The following TMED3 variants were observed in gnomAD, a reference collection of about 807,000 sequenced individuals.
The protein encoded by TMED3 is transmembrane emp24 domain-containing protein 3.
Under a neutral mutation model 15.0 loss-of-function variants are expected in TMED3, and 9 were observed. The observed-to-expected ratio is 0.60, with a 90% CI of 0.36 to 1.04. The LOEUF is 1.04. Ranked by LOEUF, TMED3 falls within the 50% of genes least tolerant of loss-of-function variation. The pLI is 0.01. For missense variants in TMED3, 267 were observed against 278.9 expected, an observed-to-expected ratio of 0.96 and a Z score of 0.30; for synonymous variants, 117 against 121.4, an observed-to-expected ratio of 0.96 and a Z score of 0.24.
intron 2 of TMED3, among the ~76,000 whole-genome samples, chr15:79,367,557 G>T (rs1893258945): frequency 6.6e-6 from 1 of 152,172 alleles, no homozygotes; most frequent in African/African-American, 2.4e-5. Context: ...ACAGTTCCCA[G>T]AGCGTGCAAG....
chr15:79,318,271 A>C (rs1177796159), intron 2 of TMED3, among the ~76,000 whole-genome samples: 1 of 152,026 alleles, frequency 6.6e-6, no homozygotes, highest in Non-Finnish European at 1.5e-5. Context: ...ACTGCATTCT[A>C]GTTGAGTAAT....
chr15:79,384,575 A>AAATC (rs1298208062), intron 2 of TMED3: 10 of 152,224 alleles, frequency 6.6e-5, no homozygotes, highest in African/African-American at 2.4e-4. Flanking sequence ...GGACAAAGAG[A>AAATC]AATCAAACTC....
At chr15:79,349,247 T>G (rs1437075666) in intron 2 of TMED3, among the ~76,000 whole-genome samples, 1 of 152,246 alleles carries the variant, frequency 6.6e-6, no homozygotes, top group Admixed American at 6.5e-5. Flanking sequence ...GATAATACAT[T>G]TGTTAATTAG....
At chr15:79,381,902 T>C (rs78030582) in intron 2 of TMED3, among the ~76,000 whole-genome samples, 2 of 152,232 alleles carry the variant, frequency 1.3e-5, no homozygotes, top group East Asian at 3.9e-4. Context: ...AGTATCCATA[T>C]GGACTTAAAA....
chr15:79,342,980 G>T (rs747422646), intron 2 of TMED3, among the ~76,000 whole-genome samples: 2 of 152,136 alleles, frequency 1.3e-5, no homozygotes, highest in African/African-American at 2.4e-5. Context: ...CTGAGATTGG[G>T]TAGTAAGGAA....
intron 2 of TMED3, among the ~76,000 whole-genome samples, chr15:79,396,589 A>G (rs1169820922): frequency 6.6e-6 from 1 of 152,198 alleles, no homozygotes; most frequent in Non-Finnish European, 1.5e-5. Flanking sequence ...AAGTGTTCCT[A>G]ATGCAAGGTG....
chr15:79,389,854 T>G (rs1315005929), intron 2 of TMED3, among the ~76,000 whole-genome samples: 1 of 152,118 alleles, frequency 6.6e-6, no homozygotes, highest in Non-Finnish European at 1.5e-5. Flanking sequence ...GCAACTGTCA[T>G]AAAAGGGGTT....
At chr15:79,337,667 C>T (rs1282946109) in intron 2 of TMED3, among the ~76,000 whole-genome samples, 9 of 152,192 alleles carry the variant, frequency 5.9e-5, no homozygotes, top group Admixed American at 3.9e-4. Context: ...ATCACACACT[C>T]GCATCAGCAG....
intron 2 of TMED3, among the ~76,000 whole-genome samples, chr15:79,396,693 A>G (rs1893767352): frequency 6.6e-6 from 1 of 152,186 alleles, no homozygotes; most frequent in Admixed American, 6.5e-5. Flanking sequence ...GCACAGAATG[A>G]TTGGCACTGG....
rs563197289 is a variant in TMED3, at chr15:79,319,636, A to G, written c.418-2342A>G. On this transcript the variant is annotated intron_variant, in intron 2 of 2. Transcript: ENST00000299705. ...GGCCCAGGGGACCACTACCACCAAG[A>G]CGCAGAGACTGGTAGTGGCCCCGAA... 5.3e-5 allele frequency among the ~76,000 whole-genome samples: 8 copies of G among 152,260 alleles called. No homozygotes were observed. In the South Asian group the frequency reaches 1.2e-3, roughly 24 times the overall value.
downstream of TMED3, among the ~76,000 whole-genome samples, chr15:79,324,036 G>T (rs889403509): frequency 2.0e-5 from 3 of 152,118 alleles, no homozygotes; most frequent in African/African-American, 7.2e-5. Flanking sequence ...TGTCGCCCAG[G>T]CTGGAGTGCA....
At chr15:79,400,085 C>G (rs1248838507) in intron 2 of TMED3, among the ~76,000 whole-genome samples, 1 of 152,214 alleles carries the variant, frequency 6.6e-6, no homozygotes, top group African/African-American at 2.4e-5. Context: ...GCCTTTCTCA[C>G]TGAGGTCTAG....
chr15:79,340,582 C>T (rs954238108), intron 2 of TMED3, among the ~76,000 whole-genome samples: 8 of 152,350 alleles, frequency 5.3e-5, no homozygotes, highest in Admixed American at 1.3e-4. Context: ...ATCACTAATA[C>T]ACCTGGCGTG....
chr15:79,375,472 A>G (rs1893407921), intron 2 of TMED3, among the ~76,000 whole-genome samples: 1 of 152,092 alleles, frequency 6.6e-6, no homozygotes, highest in Non-Finnish European at 1.5e-5. Context: ...GAAATACCTG[A>G]GTCTGAGTAA....
chr15:79,330,319 T>G (rs1285098294), intron 2 of TMED3, among the ~76,000 whole-genome samples: 1 of 152,218 alleles, frequency 6.6e-6, no homozygotes, highest in Non-Finnish European at 1.5e-5. Flanking sequence ...CTATTAAAAT[T>G]GACAAATTCA....
chr15:79,338,523 G>A (rs147741172), intron 2 of TMED3, among the ~76,000 whole-genome samples: 2,293 of 152,296 alleles, frequency 0.015, 85 homozygotes, highest in East Asian at 0.11. Flanking sequence ...GCAAGAGACC[G>A]AGGACACGAG....
At chr15:79,386,125 C>T (rs945204135) in intron 2 of TMED3, among the ~76,000 whole-genome samples, 38 of 152,112 alleles carry the variant, frequency 2.5e-4, no homozygotes, top group Admixed American at 1.0e-3. Flanking sequence ...TTTCCAAGGG[C>T]TGGGGGCTGG....
At chr15:79,399,777 A>T (rs1190939344) in intron 2 of TMED3, among the ~76,000 whole-genome samples, 1 of 152,216 alleles carries the variant, frequency 6.6e-6, no homozygotes, top group Non-Finnish European at 1.5e-5. Flanking sequence ...TAAAAATTGC[A>T]TCTGTGAGAA....
At chr15:79,376,635 C>G (rs1296883103) in intron 2 of TMED3, among the ~76,000 whole-genome samples, 1 of 152,178 alleles carries the variant, frequency 6.6e-6, no homozygotes, top group Non-Finnish European at 1.5e-5. Context: ...CTCCTTTGTT[C>G]TGGAACCTAG....
Sources: allele counts gnomAD v4.1 joint callset (sites outside exome capture counted in the v4.1 genomes callset), GRCh38; gene constraint gnomAD v4.1.1; transcripts MANE v1.5; gene names NCBI Gene and HGNC (gene_info 2026-07-23, HGNC 2026-07-21).